SEC23A: variants seen among roughly 807,000 people sequenced by gnomAD.
SEC23A encodes the protein protein transport protein Sec23A.
Under a neutral mutation model 103.7 loss-of-function variants are expected in SEC23A, and 56 were observed. The observed-to-expected ratio is 0.54, with a 90% CI of 0.44 to 0.67. The LOEUF is 0.67. SEC23A is among the 30% of genes least tolerant of loss of function. The pLI is 0.00. For synonymous variants in SEC23A, 281 were observed against 293.0 expected (o/e 0.96, Z 0.42); for missense variants, 784 against 936.4 (o/e 0.84, Z 2.12).
chr14:39,091,296 A>G (rs950152971), intron 5 of SEC23A, 181 bp downstream of exon 5: 5 of 609,650 alleles, frequency 8.2e-6, no homozygotes, highest in African/African-American at 1.9e-5. Flanking sequence ...TTTAATCTGT[A>G]TAACAATTTA....
In SEC23A at chr14:39,066,932, G is replaced by T. The variant is rs867474927; in HGVS notation, c.1227+241C>A. Among the ~76,000 whole-genome samples, 17 of 152,180 alleles carry T rather than the reference G, an allele frequency of 1.1e-4. No individual in the cohort carries two copies. The Middle Eastern group carries it at 0.017, about 152-fold the overall frequency. ...TAAAGAAAAAAATTAAAAAGTTAAA[G>T]AATATTTTACCAATATTGTTCTACT... On this transcript the variant is annotated intron_variant, in intron 10 of 19. Coordinates refer to ENST00000307712, the MANE Select transcript of SEC23A (RefSeq NM_006364.4).
chr14:39,054,022 C>T (rs1307043631), intron 14 of SEC23A, among the ~76,000 whole-genome samples: 1 of 152,036 alleles, frequency 6.6e-6, no homozygotes, highest in Non-Finnish European at 1.5e-5. Context: ...TGCCTGTAAT[C>T]CCAACACTTT....
intron 9 of SEC23A, among the ~76,000 whole-genome samples, chr14:39,067,638 G>A (rs935779830): frequency 6.7e-6 from 1 of 149,360 alleles, no homozygotes; most frequent in Admixed American, 6.7e-5. Context: ...ATTGGTAAAG[G>A]TACCTGACAG....
intron 5 of SEC23A, chr14:39,088,056 T>C (rs1594479335): frequency 6.6e-6 from 1 of 152,260 alleles, no homozygotes; most frequent in East Asian, 1.9e-4. Context: ...ACTAATAACC[T>C]GGCAAAATAG....
intron 7 of SEC23A, among the ~76,000 whole-genome samples, chr14:39,083,845 G>A (rs1192586331): frequency 4.6e-5 from 7 of 151,798 alleles, no homozygotes; most frequent in Admixed American, 2.0e-4. Flanking sequence ...GATTACAGGC[G>A]TGAGCCAACA....
intron 13 of SEC23A, among the ~76,000 whole-genome samples, chr14:39,059,309 A>AAAAAAAAAC (rs1566491630): frequency 1.1e-5 from 1 of 87,590 alleles, no homozygotes; most frequent in Non-Finnish European, 2.6e-5. Flanking sequence ...AAAAAAAAAA[A>AAAAAAAAAC]ACAACAAGGT....
intron 13 of SEC23A, among the ~76,000 whole-genome samples, chr14:39,059,310 A>AAAAAC (rs10693539): frequency 9.5e-6 from 1 of 105,724 alleles, no homozygotes; most frequent in African/African-American, 3.6e-5. Flanking sequence ...AAAAAAAAAA[A>AAAAAC]CAACAAGGTG....
At chr14:39,059,666 T>C (rs192031366) in intron 13 of SEC23A, among the ~76,000 whole-genome samples, 22 of 152,300 alleles carry the variant, frequency 1.4e-4, no homozygotes, top group Admixed American at 1.1e-3. Flanking sequence ...TATACACATT[T>C]TTTGCTGAAC....
intron 13 of SEC23A, among the ~76,000 whole-genome samples, chr14:39,059,303 A>AAAAC (rs1566491590): frequency 1.8e-5 from 2 of 109,076 alleles, no homozygotes; most frequent in South Asian, 2.8e-4. Flanking sequence ...AAAAAAAAAA[A>AAAAC]AAAAAAACAA....
chr14:39,033,146 T>C lies in SEC23A; in HGVS notation c.*93A>G, dbSNP rs538902257. 180 of 894,964 alleles carry C rather than the reference T, an allele frequency of 2.0e-4. No homozygotes were observed. The African/African-American group carries it at 2.5e-3, about 12-fold the overall frequency. The allele number at this position is 894,964 out of a possible 1,614,324, so 55.4% of individuals were successfully genotyped here. A position where few individuals can be genotyped will look rare whatever the true frequency, so the allele number is the denominator to read the frequency against. ...TACTAATACAAAAAATATAGAGCAA[T>C]ATCTGTTGGTTTCCACAGATAAATG... On this transcript the variant is annotated 3_prime_UTR_variant, in exon 20 of 20. Coordinates refer to ENST00000307712, the MANE Select transcript of SEC23A (RefSeq NM_006364.4).
chr14:39,067,220 T>C lies in SEC23A; in HGVS notation c.1180A>G (p.Met394Val), dbSNP rs775480198. 5.0e-6 allele frequency: 8 copies of C among 1,613,750 alleles called. No individual in the cohort carries two copies. Among genetic ancestry groups the C allele is most frequent in the Admixed American group, 1.7e-5 (1 of 60,024 alleles). ...QTFQRVFTKD[M>V]HGQFKMGFGG... ...AAGCCCATTTTAAACTGTCCATGCA[T>C]GTCTTTGGTAAAGACTCTTTGAAAA... The change falls in exon 10 of 20, where the codon ATG becomes GTG. Residue 394 changes from methionine (M) to valine (V), a missense_variant. Physicochemically the swap from Met to Val is conservative, Grantham distance 21. Around this residue, in one of 2 missense-constraint regions of SEC23A, gnomAD observed 683 missense variants for 774.2 expected, o/e 0.88. Coordinates refer to ENST00000307712, the MANE Select transcript of SEC23A (RefSeq NM_006364.4).
intron 1 of SEC23A, among the ~76,000 whole-genome samples, chr14:39,096,842 T>C (rs1423667834): frequency 1.3e-5 from 2 of 152,248 alleles, no homozygotes; most frequent in African/African-American, 2.4e-5. Flanking sequence ...ACATGGTTTC[T>C]ATCTGAAAAA....
intron 19 of SEC23A, among the ~76,000 whole-genome samples, chr14:39,033,863 C>A (rs1352936198): frequency 6.6e-6 from 1 of 152,022 alleles, no homozygotes; most frequent in African/African-American, 2.4e-5. Context: ...ATCTTGGTAA[C>A]CCAATCCATT....
intron 2 of SEC23A, chr14:39,095,005 AGAG>A (rs1887836254): frequency 1.4e-6 from 1 of 700,486 alleles, no homozygotes; most frequent in South Asian, 1.5e-5. Context: ...GCTTCTGGGT[AGAG>A]AACAGACTGC....
Position 39,091,769 on chromosome 14 carries a change from G to A in SEC23A, c.367-56C>T. ...ATGTAGTTTAAAGCACAGCATACAA[G>A]ACAGTCAACAGGGAACTAATTAAAT... On this transcript the variant is annotated intron_variant, in intron 4 of 19. Coordinates refer to ENST00000307712, the MANE Select transcript of SEC23A (RefSeq NM_006364.4). 9 of 1,147,504 alleles carry A rather than the reference G, an allele frequency of 7.8e-6. No homozygotes were observed. The South Asian group carries it at 9.9e-5, about 13-fold the overall frequency. 71.1% of individuals were successfully genotyped at this position (1,147,504 alleles called of 1,614,324 possible).
In SEC23A at chr14:39,064,989, G is replaced by A; in HGVS notation, c.1232C>T (p.Ser411Leu). 1.9e-6 allele frequency: 3 copies of A among 1,608,638 alleles called. No homozygotes were observed. In the South Asian group the frequency reaches 3.3e-5, roughly 18 times the overall value. Residue 411 changes from serine to leucine, a missense_variant, in exon 11 of 20, where the codon TCA becomes TTA. Physicochemically the swap from Ser to Leu is moderately radical, Grantham distance 145. Coordinates refer to ENST00000307712, the MANE Select transcript of SEC23A (RefSeq NM_006364.4). Reference protein sequence around the residue: ...GFGGTLEIKTSREIKISGAIG... With the variant: ...GFGGTLEIKTLREIKISGAIG... Reference sequence around the variant, plus strand: ...AGCTCCTGAAATCTTTATTTCCCTTGAGGTCTGCAAAATAAGAATACAGCA... The same window carrying A: ...AGCTCCTGAAATCTTTATTTCCCTTAAGGTCTGCAAAATAAGAATACAGCA...
At chr14:39,079,968 T>C (rs1887167258) in intron 7 of SEC23A, among the ~76,000 whole-genome samples, 1 of 152,192 alleles carries the variant, frequency 6.6e-6, no homozygotes, top group African/African-American at 2.4e-5. Flanking sequence ...TTCTATAACT[T>C]TCTTAACTAA....
In SEC23A at chr14:39,048,721, T is replaced by C. The variant is rs11556216; in HGVS notation, c.1668A>G (p.Lys556=). 0.32 allele frequency: 489,916 copies of C among 1,522,850 alleles called. 82,837 individuals are homozygous for C. The highest frequency in any genetic ancestry group is 0.35 in the East Asian group (15,721 of 44,418). 94.3% of individuals were successfully genotyped at this position (1,522,850 alleles called of 1,614,324 possible). ...GGTCATCTTTATGATATTCTCCAAATTTCTGACACTAAATAAAATAAAATG... is the reference window on the plus strand; with the variant it reads ...GGTCATCTTTATGATATTCTCCAAACTTCTGACACTAAATAAAATAAAATG... ...LDRQLIRLCQ[K]FGEYHKDDPS... Residue 556 remains lysine (K), a synonymous_variant, in exon 15 of 20, where the codon AAA becomes AAG. Coordinates refer to ENST00000307712, the MANE Select transcript of SEC23A (RefSeq NM_006364.4).
At position 39,064,922 on chromosome 14, in the gene SEC23A, C is replaced by T. The variant is rs1566495104; in HGVS notation, c.1299G>A (p.Val433=). The T allele has an allele frequency of 3.7e-6, 6 of 1,609,954 alleles. No individual in the cohort carries two copies. The highest frequency in any genetic ancestry group is 5.1e-6 in the Non-Finnish European group (6 of 1,176,230). The change falls in exon 11 of 20, where the codon GTG becomes GTA. Residue 433 remains valine (V), a synonymous_variant. Transcript: ENST00000307712. ...AATAAACACAACTTACATTTTCAGA[C>T]ACACAGGGTCCTTTAGAATTGAGTG... ...CVSLNSKGPC[V]SENEIGTGGT... is the part of the protein sequence containing the mutation.
Sources: allele counts gnomAD v4.1 joint callset (sites outside exome capture counted in the v4.1 genomes callset), GRCh38; gene constraint gnomAD v4.1.1; regional missense constraint gnomAD v4.1.1; transcripts MANE v1.5; gene names NCBI Gene and HGNC (gene_info 2026-07-23, HGNC 2026-07-21).